UNC5D: variants seen among roughly 807,000 people sequenced by gnomAD.
UNC5D encodes the protein unc-5 netrin receptor D.
In UNC5D, 39 loss-of-function variants were observed where a neutral mutation model predicts 105.4. That is an observed-to-expected ratio of 0.37 (90% CI 0.29 to 0.48). UNC5D has a LOEUF of 0.48. Ranked by LOEUF, UNC5D falls within the 20% of genes least tolerant of loss-of-function variation. UNC5D has a pLI of 0.98. For synonymous variants in UNC5D, 452 were observed against 450.4 expected (o/e 1.00, Z -0.04); for missense variants, 991 against 1,202.4 (o/e 0.82, Z 2.60).
intron 1 of UNC5D, among the ~76,000 whole-genome samples, chr8:35,313,984 T>C (rs1042839738): frequency 6.6e-6 from 1 of 152,150 alleles, no homozygotes; most frequent in Non-Finnish European, 1.5e-5. Context: ...GCAAGAAAGG[T>C]GTCAGGAGAA....
chr8:35,650,618 C>A (rs1262160278), intron 4 of UNC5D, among the ~76,000 whole-genome samples: 2 of 152,122 alleles, frequency 1.3e-5, no homozygotes, highest in Admixed American at 1.3e-4. Flanking sequence ...CAGGCATGTG[C>A]CACCATGCCC....
chr8:35,686,775 A>G, intron 7 of UNC5D, 66 bp downstream of exon 7: 1 of 1,498,650 alleles, frequency 6.7e-7, no homozygotes, highest in Non-Finnish European at 8.9e-7. Flanking sequence ...TCAAGAAAGT[A>G]AGCTACAGCC....
At chr8:35,632,668 G>T (rs1822117727) in intron 4 of UNC5D, among the ~76,000 whole-genome samples, 1 of 152,130 alleles carries the variant, frequency 6.6e-6, no homozygotes, top group African/African-American at 2.4e-5. Context: ...CTTGTTCACT[G>T]CAGAACAGTG....
intron 4 of UNC5D, among the ~76,000 whole-genome samples, chr8:35,657,597 A>G (rs976267829): frequency 6.6e-6 from 1 of 152,002 alleles, no homozygotes; most frequent in African/African-American, 2.4e-5. Context: ...TGATCCTCCC[A>G]CCTCAGCTTC....
intron 1 of UNC5D, among the ~76,000 whole-genome samples, chr8:35,465,058 A>G (rs1056061187): frequency 6.6e-6 from 1 of 152,122 alleles, no homozygotes; most frequent in Non-Finnish European, 1.5e-5. Flanking sequence ...TCTACCATAC[A>G]TATCACTGCC....
intron 1 of UNC5D, among the ~76,000 whole-genome samples, chr8:35,259,551 G>A (rs1056276347): frequency 2.0e-4 from 30 of 152,222 alleles, no homozygotes; most frequent in African/African-American, 6.0e-4. Context: ...TCCCCATCAC[G>A]TTGGTAGTTC....
intron 1 of UNC5D, among the ~76,000 whole-genome samples, chr8:35,407,438 A>G (rs1164902646): frequency 6.6e-6 from 1 of 152,118 alleles, no homozygotes; most frequent in Non-Finnish European, 1.5e-5. Flanking sequence ...GACAGACACC[A>G]CTACACTGGA....
Position 35,549,395 on chromosome 8 carries a change from C to T in UNC5D, c.207C>T (p.Asn69=). 1 of 1,613,506 alleles carries T rather than the reference C, an allele frequency of 6.2e-7. No individual in the cohort carries two copies. The highest frequency in any genetic ancestry group is 1.1e-5 in the South Asian group (1 of 91,044). Residue 69 remains asparagine (N), a synonymous_variant, in exon 2 of 17, where the codon AAC becomes AAT. Coordinates refer to ENST00000404895, the MANE Select transcript of UNC5D (RefSeq NM_080872.4). ...EPDDAYIIKS[N]PIALRCKARP... ...ATGATGCTTATATTATCAAGAGCAA[C>T]CCTATTGCACTCAGGTGCAAAGCGA...
chr8:35,735,589 G>A (rs868330765), intron 11 of UNC5D, among the ~76,000 whole-genome samples: 1 of 152,146 alleles, frequency 6.6e-6, no homozygotes, highest in Admixed American at 6.5e-5. Context: ...CTTTTTTAGG[G>A]TGCTTAGATG....
intron 1 of UNC5D, among the ~76,000 whole-genome samples, chr8:35,331,836 G>A (rs1353502324): frequency 6.6e-6 from 1 of 152,120 alleles, no homozygotes; most frequent in East Asian, 1.9e-4. Flanking sequence ...TCTCTATGCT[G>A]CATCTGAAGA....
In UNC5D at chr8:35,568,174, G is replaced by C; in HGVS notation, c.399G>C (p.Trp133Cys). The C allele has an allele frequency of 1.2e-6, 2 of 1,614,182 alleles. No individual in the cohort carries two copies. The highest frequency in any genetic ancestry group is 1.7e-6 in the Non-Finnish European group (2 of 1,180,026). ...ACTTCCATGGGCCCGAGGACTATTG[G>C]TGCCAGTGTGTGGCGTGGAGCCACC... ...VEDFHGPEDYWCQCVAWSHLG... is the reference protein window; with the variant it reads ...VEDFHGPEDYCCQCVAWSHLG... The change falls in exon 3 of 17, where the codon TGG becomes TGC. Residue 133 changes from tryptophan (W) to cysteine (C), a missense_variant. Trp to Cys is a radical substitution (Grantham distance 215). Around this residue, in one of 3 missense-constraint regions of UNC5D, gnomAD observed 944 missense variants for 1,131.6 expected, o/e 0.83. Coordinates refer to ENST00000404895, the MANE Select transcript of UNC5D (RefSeq NM_080872.4).
intron 1 of UNC5D, among the ~76,000 whole-genome samples, chr8:35,352,443 T>C (rs974292454): frequency 2.0e-5 from 3 of 152,134 alleles, no homozygotes; most frequent in African/African-American, 4.8e-5. Flanking sequence ...GCTACCAACA[T>C]AAATTATAAG....
chr8:35,587,422 G>A (rs777887908), intron 3 of UNC5D, among the ~76,000 whole-genome samples: 14 of 152,136 alleles, frequency 9.2e-5, no homozygotes, highest in Non-Finnish European at 1.8e-4. Context: ...CAGAGACTTC[G>A]TTGCATATTA....
At chr8:35,344,696 A>G (rs1811679964) in intron 1 of UNC5D, among the ~76,000 whole-genome samples, 1 of 152,058 alleles carries the variant, frequency 6.6e-6, no homozygotes, top group Admixed American at 6.6e-5. Flanking sequence ...GGTTTACTAC[A>G]CTGAATCTTT....
intron 1 of UNC5D, among the ~76,000 whole-genome samples, chr8:35,439,111 C>A (rs1022633018): frequency 6.6e-6 from 1 of 151,704 alleles, no homozygotes; most frequent in East Asian, 1.9e-4. Context: ...TCTTGAAATG[C>A]GGATAATAAT....
intron 7 of UNC5D, among the ~76,000 whole-genome samples, chr8:35,703,126 T>C (rs1480110681): frequency 1.3e-5 from 2 of 151,914 alleles, no homozygotes; most frequent in African/African-American, 4.8e-5. Flanking sequence ...ATCCCCAAAA[T>C]TCACTAGAAT....
chr8:35,367,377 G>A (rs1256422493), intron 1 of UNC5D, among the ~76,000 whole-genome samples: 1 of 152,112 alleles, frequency 6.6e-6, no homozygotes, highest in Admixed American at 6.5e-5. Flanking sequence ...TCTACAGAAA[G>A]AAAGATTGAC....
chr8:35,507,422 C>G lies in UNC5D; in HGVS notation c.104-41870C>G, dbSNP rs565337285. On this transcript the variant is annotated intron_variant, in intron 1 of 16. Transcript: ENST00000404895. ...GCTGAAATACTGTGGTTATTGGTGC[C>G]ATTAGAGGCAGTTTATCTTTACCCT... Among the ~76,000 whole-genome samples, 345 of 138,434 alleles carry G rather than the reference C, an allele frequency of 2.5e-3. 5 individuals carry two copies. The highest frequency in any genetic ancestry group is 0.013 in the Admixed American group (177 of 13,796). The allele number at this position is 138,434 out of a possible 152,430, so 90.8% of individuals were successfully genotyped here.
chr8:35,587,502 T>C (rs552403590), intron 3 of UNC5D, among the ~76,000 whole-genome samples: 1 of 152,274 alleles, frequency 6.6e-6, no homozygotes, highest in East Asian at 1.9e-4. Flanking sequence ...TCAACAAATA[T>C]GTATTAAGTC....
Sources: allele counts gnomAD v4.1 joint callset (sites outside exome capture counted in the v4.1 genomes callset), GRCh38; gene constraint gnomAD v4.1.1; regional missense constraint gnomAD v4.1.1; transcripts MANE v1.5; gene names NCBI Gene and HGNC (gene_info 2026-07-23, HGNC 2026-07-21).